SCTR: variants seen among roughly 807,000 people sequenced by gnomAD.
SCTR encodes secretin receptor.
SCTR carries 56 observed loss-of-function variants against 60.8 expected under a neutral mutation model. That is an observed-to-expected ratio of 0.92 (90% CI 0.74 to 1.15). The LOEUF (loss-of-function observed/expected upper bound fraction) is 1.15. SCTR is among the 50% of genes most tolerant of loss of function. The probability of loss-of-function intolerance (pLI) is 0.00; values close to 1 mark genes in which losing one functional copy is unlikely to be tolerated. For synonymous variants in SCTR, 202 were observed against 217.0 expected, an observed-to-expected ratio of 0.93 and a Z score of 0.61; for missense variants, 562 against 550.4, an observed-to-expected ratio of 1.02 and a Z score of -0.21.
Position 119,465,798 on chromosome 2 carries a change from C to G in SCTR, c.494G>C (p.Cys165Ser). ...VMLLVALGIL[C>S]AFRRLHCTRN... ...GGCAGTGTGTTCTCACCGGAAAGCA[C>G]AGAGGATGCCAAGGGCGACCAGGAG... The change falls in exon 5 of 13, where the codon TGT (cysteine) becomes TCT (serine). Residue 165 changes from cysteine (C) to serine (S), a missense_variant. Physicochemically the swap from Cys to Ser is moderately radical, Grantham distance 112. Coordinates refer to ENST00000019103, the MANE Select transcript of SCTR (RefSeq NM_002980.3). 1.2e-6 allele frequency: 2 copies of G among 1,612,106 alleles called. No individual in the cohort carries two copies. Among genetic ancestry groups the G allele is most frequent in the South Asian group, 2.2e-5 (2 of 91,036 alleles).
chr2:119,492,333 A>G (rs1240664537), intron 2 of SCTR, among the ~76,000 whole-genome samples: 2 of 152,226 alleles, frequency 1.3e-5, no homozygotes, highest in Non-Finnish European at 2.9e-5. Context: ...ACGCATTCCT[A>G]AGTGATGAGA....
intron 2 of SCTR, among the ~76,000 whole-genome samples, chr2:119,481,178 G>A (rs747000859): frequency 5.3e-5 from 8 of 152,248 alleles, no homozygotes; most frequent in Non-Finnish European, 8.8e-5. Context: ...GGGACTGGGC[G>A]ATGGATGCGG....
intron 12 of SCTR, among the ~76,000 whole-genome samples, chr2:119,440,892 T>G (rs770118468): frequency 6.6e-6 from 1 of 152,240 alleles, no homozygotes; most frequent in Admixed American, 6.5e-5. Context: ...ATTTGATTTT[T>G]GGGAAACATC....
intron 12 of SCTR, 104 bp from the exon 13 acceptor site, chr2:119,440,361 C>T (rs781719916): frequency 7.2e-5 from 97 of 1,347,858 alleles, no homozygotes; most frequent in Non-Finnish European, 9.8e-5. Flanking sequence ...CACTCCTGCC[C>T]AGCTGCCCTG....
chr2:119,473,593 C>T, intron 3 of SCTR, 37 bp from the exon 4 acceptor site: 2 of 1,225,640 alleles, frequency 1.6e-6, no homozygotes, highest in Non-Finnish European at 2.4e-6. Context: ...GAGCCATGGG[C>T]CCAGGCACTG....
chr2:119,498,582 C>T (rs1011280021), intron 1 of SCTR, among the ~76,000 whole-genome samples: 2 of 151,980 alleles, frequency 1.3e-5, no homozygotes, highest in African/African-American at 4.8e-5. Context: ...AAGTATATTA[C>T]AAATGCGGGA....
chr2:119,510,763 A>C (rs1434059561), intron 1 of SCTR, among the ~76,000 whole-genome samples: 1 of 150,358 alleles, frequency 6.7e-6, no homozygotes, highest in African/African-American at 2.5e-5. Context: ...AACCACACTG[A>C]GCCTTTTTTT....
chr2:119,455,573 C>T (rs898481297), intron 7 of SCTR, among the ~76,000 whole-genome samples: 4 of 152,106 alleles, frequency 2.6e-5, no homozygotes, highest in Non-Finnish European at 5.9e-5. Context: ...AGGGAGTGCC[C>T]GGAGAACAAG....
chr2:119,517,715 G>A (rs569165145), intron 1 of SCTR, among the ~76,000 whole-genome samples: 119 of 152,260 alleles, frequency 7.8e-4, no homozygotes, highest in Non-Finnish European at 1.3e-3. Context: ...AAAAGTCAGC[G>A]GAGAGGAAGA....
intron 1 of SCTR, among the ~76,000 whole-genome samples, chr2:119,507,245 G>A (rs10200558): frequency 0.23 from 35,228 of 152,124 alleles, 4,279 homozygotes; most frequent in Admixed American, 0.29. Context: ...CAGTAATACC[G>A]TGATGTTAAA....
chr2:119,513,940 C>T lies in SCTR; in HGVS notation c.72+10215G>A, dbSNP rs61300349. On this transcript the variant is annotated intron_variant, in intron 1 of 12. Coordinates refer to ENST00000019103, the MANE Select transcript of SCTR (RefSeq NM_002980.3). ...AATTTTACATTGAGTTTTGGTTTTG[C>T]TACATAAAACTATGGTAATTTTTTA... Among the ~76,000 whole-genome samples the T allele has an allele frequency of 5.4e-3, 829 of 152,212 alleles. 11 individuals are homozygous for T. The highest frequency in any genetic ancestry group is 0.019 in the African/African-American group (779 of 41,534).
At chr2:119,518,388 C>T (rs1679178558) in intron 1 of SCTR, among the ~76,000 whole-genome samples, 1 of 144,428 alleles carries the variant, frequency 6.9e-6, no homozygotes, top group African/African-American at 2.9e-5. Flanking sequence ...TTGAAAGACA[C>T]GTGGCCATCA....
chr2:119,466,030 T>G lies in SCTR; in HGVS notation c.406-144A>C, dbSNP rs371341808. The G allele has an allele frequency of 2.1e-4, 131 of 616,092 alleles. 2 individuals are homozygous for G. The Middle Eastern group carries it at 3.0e-3, about 14-fold the overall frequency. 38.2% of individuals were successfully genotyped at this position (616,092 alleles called of 1,614,324 possible). A position where few individuals can be genotyped will look rare whatever the true frequency, so the allele number is the denominator to read the frequency against. On this transcript the variant is annotated intron_variant, in intron 4 of 12. Transcript: ENST00000019103. ...TCAAGGACGCCAATTCACAGACACA[T>G]AACACCGTAACATCCTGGCATTGGA... is the stretch of plus-strand genomic sequence containing the variant.
chr2:119,465,243 A>G (rs1448775135), intron 5 of SCTR, among the ~76,000 whole-genome samples: 2 of 152,206 alleles, frequency 1.3e-5, no homozygotes, highest in African/African-American at 4.8e-5. Context: ...TTGCTGAGCT[A>G]GCAGGATGAA....
intron 1 of SCTR, among the ~76,000 whole-genome samples, chr2:119,510,073 T>G (rs999179613): frequency 6.6e-6 from 1 of 152,078 alleles, no homozygotes; most frequent in East Asian, 1.9e-4. Flanking sequence ...CCATGTTGGT[T>G]TGCTGCACCC....
At chr2:119,500,491 A>G (rs961479665) in intron 1 of SCTR, among the ~76,000 whole-genome samples, 1 of 152,224 alleles carries the variant, frequency 6.6e-6, no homozygotes, top group African/African-American at 2.4e-5. Context: ...TCAGCAGATG[A>G]GTAGATAAAG....
chr2:119,509,371 G>A (rs1678860505), intron 1 of SCTR, among the ~76,000 whole-genome samples: 1 of 152,186 alleles, frequency 6.6e-6, no homozygotes, highest in Non-Finnish European at 1.5e-5. Context: ...TACAGGGTAG[G>A]AAATAAACTC....
At chr2:119,501,527 TTAGG>T (rs1678551839) in intron 1 of SCTR, among the ~76,000 whole-genome samples, 1 of 152,060 alleles carries the variant, frequency 6.6e-6, no homozygotes, top group South Asian at 2.1e-4. Flanking sequence ...AAAAATACAG[TTAGG>T]TAGAAGGAAT....
chr2:119,496,568 A>G lies in SCTR; in HGVS notation c.73-2020T>C, dbSNP rs139360904. Among the ~76,000 whole-genome samples, 50 of 152,330 alleles carry G rather than the reference A, an allele frequency of 3.3e-4. No homozygotes were observed. In the East Asian group the frequency reaches 8.5e-3, roughly 26 times the overall value. On this transcript the variant is annotated intron_variant, in intron 1 of 12. Transcript: ENST00000019103. ...AAAACAAACATAAGAAGACTCTGAA[A>G]AGTGGAAGAAGAAGACAGATGGACT...
Sources: allele counts gnomAD v4.1 joint callset (sites outside exome capture counted in the v4.1 genomes callset), GRCh38; gene constraint gnomAD v4.1.1; transcripts MANE v1.5; gene names NCBI Gene and HGNC (gene_info 2026-07-23, HGNC 2026-07-21).